Variants in ZNF609 observed in about 807,000 individuals in gnomAD.
ZNF609 encodes the protein zinc finger protein 609.
ZNF609 carries 11 observed loss-of-function variants against 109.5 expected under a neutral mutation model. The observed-to-expected ratio is 0.10, with a 90% confidence interval of 0.06 to 0.17. The LOEUF is 0.17. Ranked by LOEUF, ZNF609 falls within the 10% of genes least tolerant of loss-of-function variation. The pLI, the probability that ZNF609 is intolerant of heterozygous loss-of-function variation, is 1.00. For missense variants in ZNF609, 1,559 were observed against 1,772.4 expected, an observed-to-expected ratio of 0.88 and a Z score of 2.16; for synonymous variants, 646 against 662.0, an observed-to-expected ratio of 0.98 and a Z score of 0.37.
chr15:64,506,443 G>A (rs897828969), intron 2 of ZNF609, among the ~76,000 whole-genome samples: 2 of 149,938 alleles, frequency 1.3e-5, no homozygotes, highest in South Asian at 2.1e-4. Flanking sequence ...TCTTTAGGCC[G>A]GGCGCGGTGG....
At chr15:64,572,562 C>T (rs961684526) in intron 2 of ZNF609, among the ~76,000 whole-genome samples, 7 of 152,120 alleles carry the variant, frequency 4.6e-5, no homozygotes, top group Admixed American at 3.9e-4. Flanking sequence ...TTGTTATTGC[C>T]AGGTCCTCCC....
At chr15:64,490,260 C>T (rs1053191775) in intron 1 of ZNF609, among the ~76,000 whole-genome samples, 29 of 144,636 alleles carry the variant, frequency 2.0e-4, no homozygotes, top group Non-Finnish European at 6.0e-5. Context: ...CCACTGCACC[C>T]GGCCAGTAGT....
intron 3 of ZNF609, among the ~76,000 whole-genome samples, chr15:64,668,318 A>T (rs1489579324): frequency 1.3e-5 from 2 of 152,232 alleles, no homozygotes; most frequent in African/African-American, 4.8e-5. Flanking sequence ...TATAAAACAA[A>T]TACAACAAGA....
At chr15:64,608,720 CAT>C (rs1895653566) in intron 2 of ZNF609, among the ~76,000 whole-genome samples, 1 of 99,334 alleles carries the variant, frequency 1.0e-5, no homozygotes, top group South Asian at 3.2e-4. Context: ...TGTATGCATG[CAT>C]GCGTGTGTGT....
chr15:64,492,097 G>A (rs1462946909), intron 1 of ZNF609, among the ~76,000 whole-genome samples: 1 of 151,798 alleles, frequency 6.6e-6, no homozygotes, highest in Non-Finnish European at 1.5e-5. Flanking sequence ...CAAAAAATTA[G>A]CCAGGAGTGG....
At chr15:64,613,638 C>A (rs577240163) in intron 2 of ZNF609, among the ~76,000 whole-genome samples, 1 of 152,184 alleles carries the variant, frequency 6.6e-6, no homozygotes, top group Admixed American at 6.5e-5. Flanking sequence ...GCAGCCGCCG[C>A]CTGCCGGGTT....
chr15:64,626,736 T>C (rs2140976948), intron 3 of ZNF609, among the ~76,000 whole-genome samples: 1 of 152,298 alleles, frequency 6.6e-6, no homozygotes, highest in East Asian at 1.9e-4. Context: ...CTTTAAACCT[T>C]GGATGCATTT....
intron 2 of ZNF609, among the ~76,000 whole-genome samples, chr15:64,517,321 G>A (rs1481320120): frequency 1.3e-5 from 2 of 152,192 alleles, no homozygotes; most frequent in Non-Finnish European, 2.9e-5. Context: ...AGGCTGCAGT[G>A]AGCCGAGATC....
intron 6 of ZNF609, 120 bp from the exon 7 acceptor site, chr15:64,680,063 CTA>C (rs1896860213): frequency 3.8e-6 from 4 of 1,052,122 alleles, no homozygotes; most frequent in Non-Finnish European, 2.8e-6. Flanking sequence ...GCCAAAGACA[CTA>C]TGTTAGAAAA....
At chr15:64,643,483 TA>T (rs1231860494) in intron 3 of ZNF609, among the ~76,000 whole-genome samples, 1 of 152,046 alleles carries the variant, frequency 6.6e-6, no homozygotes, top group Admixed American at 6.6e-5. Flanking sequence ...CCTTTAGAAA[TA>T]AAAATAGGAA....
At position 64,615,053 on chromosome 15, in the gene ZNF609, G is replaced by T. The variant is rs538395877; in HGVS notation, c.748-7774G>T. Among the ~76,000 whole-genome samples, 16 of 152,086 alleles carry T rather than the reference G, an allele frequency of 1.1e-4. No homozygotes were observed. In the South Asian group the frequency reaches 3.3e-3, roughly 32 times the overall value. On this transcript the variant is annotated intron_variant, in intron 2 of 9. Coordinates refer to ENST00000326648, the MANE Select transcript of ZNF609 (RefSeq NM_015042.2). ...AGGCTCGTCTCAAACTCCTGACCTC[G>T]TGATCTGCCTGCCTTGGCCTCCCAA...
At chr15:64,538,687 C>G (rs1894194274) in intron 2 of ZNF609, among the ~76,000 whole-genome samples, 2 of 151,906 alleles carry the variant, frequency 1.3e-5, no homozygotes, top group Non-Finnish European at 2.9e-5. Context: ...GCTGGGATTA[C>G]AGGCATGCAC....
chr15:64,483,477 C>T (rs1444386078), intron 1 of ZNF609, among the ~76,000 whole-genome samples: 1 of 152,102 alleles, frequency 6.6e-6, no homozygotes, highest in Non-Finnish European at 1.5e-5. Flanking sequence ...TCATCGACCT[C>T]CTGGGCTCCA....
At chr15:64,594,962 CT>C (rs1191999535) in intron 2 of ZNF609, among the ~76,000 whole-genome samples, 1 of 131,870 alleles carries the variant, frequency 7.6e-6, no homozygotes, top group African/African-American at 2.9e-5. Context: ...GGAAGTGGAG[CT>C]TACAGTCCGG....
At chr15:64,669,443 T>A (rs979403530) in intron 3 of ZNF609, among the ~76,000 whole-genome samples, 1 of 152,194 alleles carries the variant, frequency 6.6e-6, no homozygotes, top group Non-Finnish European at 1.5e-5. Context: ...TTGCTATCAT[T>A]TAAGGAAGAA....
chr15:64,498,250 A>G (rs1893511648), intron 1 of ZNF609, among the ~76,000 whole-genome samples: 1 of 152,104 alleles, frequency 6.6e-6, no homozygotes, highest in African/African-American at 2.4e-5. Context: ...GGGTTTCACC[A>G]CATTGGCCAG....
intron 3 of ZNF609, among the ~76,000 whole-genome samples, chr15:64,651,638 A>G (rs1896416997): frequency 6.6e-6 from 1 of 152,230 alleles, no homozygotes; most frequent in African/African-American, 2.4e-5. Context: ...GGGGTTCCCC[A>G]GCCAGTTCAT....
At chr15:64,595,833 T>C (rs891955625) in intron 2 of ZNF609, among the ~76,000 whole-genome samples, 12 of 152,160 alleles carry the variant, frequency 7.9e-5, no homozygotes, top group African/African-American at 2.9e-4. Context: ...GCCATTTAAG[T>C]AATGGAAATC....
intron 1 of ZNF609, among the ~76,000 whole-genome samples, chr15:64,492,728 A>G (rs1893431359): frequency 6.6e-6 from 1 of 152,168 alleles, no homozygotes; most frequent in East Asian, 1.9e-4. Flanking sequence ...TGATATGCTT[A>G]GAATGTGATA....
Sources: allele counts gnomAD v4.1 joint callset (sites outside exome capture counted in the v4.1 genomes callset), GRCh38; gene constraint gnomAD v4.1.1; transcripts MANE v1.5; gene names NCBI Gene and HGNC (gene_info 2026-07-23, HGNC 2026-07-21).